Variants in PIGX observed in about 807,000 individuals in gnomAD.
PIGX encodes GPI alpha-1,4-mannosyltransferase I, stabilizing subunit.
In PIGX, 24 loss-of-function variants were observed where a neutral mutation model predicts 28.7. That is an observed-to-expected ratio of 0.84 (90% CI 0.60 to 1.17). The LOEUF is 1.17. PIGX is among the 50% of genes most tolerant of loss of function. PIGX has a pLI of 0.00. For missense variants in PIGX, 305 were observed against 317.8 expected (o/e 0.96, Z 0.31); for synonymous variants, 127 against 121.0 (o/e 1.05, Z -0.33).
rs1192857241 is a variant in PIGX at position 196,722,403 on chromosome 3, C to T, written c.177-12C>T. 1.3e-6 allele frequency: 2 copies of T among 1,592,934 alleles called. No individual in the cohort carries two copies. The highest frequency in any genetic ancestry group is 1.7e-6 in the Non-Finnish European group (2 of 1,164,816). On this transcript the variant is annotated splice_polypyrimidine_tract_variant and intron_variant, in intron 2 of 5. Transcript: ENST00000392391. The stretch of plus-strand genomic sequence containing the variant: ...AATGAAGAGATTTACTTTCAATGTA[C>T]TTGTCTTACAGAGACCTTTTAATCA...
At chr3:196,716,502 A>T (rs1252504307) in intron 1 of PIGX, among the ~76,000 whole-genome samples, 3 of 152,182 alleles carry the variant, frequency 2.0e-5, no homozygotes, top group African/African-American at 7.2e-5. Flanking sequence ...ACTTACATAG[A>T]ACACTTAATA....
chr3:196,727,686 T>A lies in PIGX; in HGVS notation c.319-237T>A, dbSNP rs182340242. Among the ~76,000 whole-genome samples the A allele has an allele frequency of 3.1e-4, 47 of 152,300 alleles. 1 individual carries two copies. In the East Asian group the frequency reaches 8.5e-3, roughly 28 times the overall value. On this transcript the variant is annotated intron_variant, in intron 3 of 5. Coordinates refer to ENST00000392391, the MANE Select transcript of PIGX (RefSeq NM_017861.4). Reference sequence around the variant, plus strand: ...GGAATAATTTTTATTATGGGGAAATTTGGTACCCTAGAATATAATTTCCCC... The same window carrying A: ...GGAATAATTTTTATTATGGGGAAATATGGTACCCTAGAATATAATTTCCCC...
At chr3:196,727,851 T>A in intron 3 of PIGX, 72 bp from the exon 4 acceptor site, 1 of 1,087,470 alleles carries the variant, frequency 9.2e-7, no homozygotes, top group Non-Finnish European at 1.4e-6. Context: ...TATATAGTCT[T>A]CTGGTTTTAA....
chr3:196,732,216 TTATATATATATATATA>T (rs1175656364), intron 5 of PIGX, among the ~76,000 whole-genome samples: 3,123 of 51,370 alleles, frequency 0.061, 253 homozygotes, highest in Non-Finnish European at 0.073. Flanking sequence ...TATATATTAT[TTATATATATATATATA>T]TATATATATA....
rs1711866569 is a variant in PIGX at position 196,712,608 on chromosome 3, C to G, written c.76C>G (p.Pro26Ala). 1 of 1,190,842 alleles carries G rather than the reference C, an allele frequency of 8.4e-7. No individual in the cohort carries two copies. Among genetic ancestry groups the G allele is most frequent in the East Asian group, 3.6e-5 (1 of 27,862 alleles). 73.8% of individuals were successfully genotyped at this position (1,190,842 alleles called of 1,614,324 possible). The stretch of plus-strand genomic sequence containing the variant: ...GGCGGCGACCGGGCTCACGCGCGGG[C>G]CCGCCGCGGCCTTCACCGCCGCGCG... Residue 26 changes from proline to alanine, a missense_variant, in exon 1 of 6, where the codon CCC becomes GCC. By Grantham distance (27) the Pro-to-Ala change is conservative. Coordinates refer to ENST00000392391, the MANE Select transcript of PIGX (RefSeq NM_017861.4).
chr3:196,730,919 T>C (rs1712725995), intron 4 of PIGX, 73 bp from the exon 5 acceptor site: 2 of 801,778 alleles, frequency 2.5e-6, no homozygotes, highest in Non-Finnish European at 4.3e-6. Context: ...TTCTGTCTAT[T>C]GAGGTTTAAT....
chr3:196,729,769 T>A (rs1712674339), intron 4 of PIGX, among the ~76,000 whole-genome samples: 1 of 151,036 alleles, frequency 6.6e-6, no homozygotes, highest in African/African-American at 2.4e-5. Flanking sequence ...AGAATGTTTA[T>A]AAAAGTTAGT....
chr3:196,732,126 TC>T (rs1351755898), intron 5 of PIGX, among the ~76,000 whole-genome samples: 4 of 146,580 alleles, frequency 2.7e-5, no homozygotes, highest in Admixed American at 2.1e-4. Context: ...ACACCTGACT[TC>T]AGTTGCCTTT....
intron 4 of PIGX, 61 bp from the exon 5 acceptor site, chr3:196,730,931 C>T: frequency 2.1e-6 from 2 of 965,428 alleles, no homozygotes; most frequent in Non-Finnish European, 3.3e-6. Context: ...AGGTTTAATA[C>T]AAGCCTAGCT....
In PIGX at chr3:196,712,662, T is replaced by C; in HGVS notation, c.112+18T>C. On this transcript the variant is annotated intron_variant, in intron 1 of 5. Transcript: ENST00000392391. ...TGACGCCGGTAAGGGGGGCGGGGCT[T>C]GGGGGGCCAGAGCGTGGGAGCGGTC... is the stretch of plus-strand genomic sequence containing the variant. The C allele has an allele frequency of 8.5e-7, 1 of 1,182,132 alleles. No homozygotes were observed. The highest frequency in any genetic ancestry group is 4.2e-5 in the South Asian group (1 of 23,698). 73.2% of individuals were successfully genotyped at this position (1,182,132 alleles called of 1,614,324 possible).
rs767396902 is a variant in PIGX, at chr3:196,731,102, T to C, written c.633+10T>C. On this transcript the variant is annotated intron_variant, in intron 5 of 5. Transcript: ENST00000392391. ...GATGAAGTATAAATCAGTAAGCTAA[T>C]GTTTTATGTTGTTTTTTAGATCATG... 98 of 1,403,828 alleles carry C rather than the reference T, an allele frequency of 7.0e-5. No homozygotes were observed. The highest frequency in any genetic ancestry group is 9.4e-5 in the Non-Finnish European group (93 of 990,840). 87.0% of individuals were successfully genotyped at this position (1,403,828 alleles called of 1,614,324 possible). A position where few individuals can be genotyped will look rare whatever the true frequency, so the allele number is the denominator to read the frequency against.
intron 4 of PIGX, among the ~76,000 whole-genome samples, chr3:196,730,604 T>G (rs1340159998): frequency 1.3e-5 from 2 of 151,724 alleles, no homozygotes; most frequent in African/African-American, 4.8e-5. Flanking sequence ...AAAAATTAGC[T>G]GGGTGCAATG....
At chr3:196,721,437 CTCTT>C (rs1712318440) in intron 2 of PIGX, 2 of 166,754 alleles carry the variant, frequency 1.2e-5, no homozygotes, top group African/African-American at 2.4e-5. Flanking sequence ...CTCTCTCTCT[CTCTT>C]TTTTTTTTCT....
Position 196,712,568 on chromosome 3 carries a change from C to T in PIGX, c.36C>T (p.Ala12=). The T allele has an allele frequency of 8.4e-7, 1 of 1,187,634 alleles. No homozygotes were observed. The highest frequency in any genetic ancestry group is 1.0e-6 in the Non-Finnish European group (1 of 959,508). 73.6% of individuals were successfully genotyped at this position (1,187,634 alleles called of 1,614,324 possible). ...GGGTGGCGGCGGTTCGGGCGGCCGC[C>T]TGGCTGCTCCTCGGGGCGGCGACCG... is the stretch of plus-strand genomic sequence containing the variant. Residue 12 remains alanine, a synonymous_variant, in exon 1 of 6, where the codon GCC becomes GCT. Coordinates refer to ENST00000392391, the MANE Select transcript of PIGX (RefSeq NM_017861.4).
rs770371560 is a variant in PIGX, at chr3:196,733,750, T to A, written c.634-9T>A. The A allele has an allele frequency of 2.5e-6, 4 of 1,583,996 alleles. No individual in the cohort carries two copies. The African/African-American group carries it at 5.4e-5, about 21-fold the overall frequency. ...TTTCAATGTCTAACTTCTCTCTCTCTCTCCATAGGTATATAAGAATGTGAT... is the reference window on the plus strand; with the variant it reads ...TTTCAATGTCTAACTTCTCTCTCTCACTCCATAGGTATATAAGAATGTGAT... On this transcript the variant is annotated splice_polypyrimidine_tract_variant and intron_variant, in intron 5 of 5. Coordinates refer to ENST00000392391, the MANE Select transcript of PIGX (RefSeq NM_017861.4). This position sits in a 1 kb window ranked among gnomAD's most constrained non-coding sequence, Gnocchi z 4.3.
At chr3:196,724,754 ATAT>A (rs1229133293) in intron 3 of PIGX, among the ~76,000 whole-genome samples, 1 of 152,212 alleles carries the variant, frequency 6.6e-6, no homozygotes, top group Non-Finnish European at 1.5e-5. Flanking sequence ...GATGCCTGAC[ATAT>A]TCCTTCTGCC....
In PIGX at chr3:196,712,445, G is replaced by A; in HGVS notation, c.-88G>A. ...TCCCAGCCGATAAATCTGGGGCAGC[G>A]CGCGGTAGGAGCTGCGGGCGGCCAG... On this transcript the variant is annotated 5_prime_UTR_variant, in exon 1 of 6. Coordinates refer to ENST00000392391, the MANE Select transcript of PIGX (RefSeq NM_017861.4). 1 of 543,906 alleles carries A rather than the reference G, an allele frequency of 1.8e-6. No individual in the cohort carries two copies. Among genetic ancestry groups the A allele is most frequent in the Non-Finnish European group, 2.5e-6 (1 of 392,262 alleles). The allele number at this position is 543,906 out of a possible 1,614,324, so 33.7% of individuals were successfully genotyped here.
chr3:196,728,029 T>C lies in PIGX; in HGVS notation c.425T>C (p.Phe142Ser). Residue 142 changes from phenylalanine to serine, a missense_variant, in exon 4 of 6, where the codon TTT becomes TCT. Physicochemically the swap from Phe to Ser is radical, Grantham distance 155. Transcript: ENST00000392391. ...CGAGATTCACAGTGCATTGACTGTT[T>C]TCAAGCCTTTTTGCCTGTGCACTGC... 1 of 1,614,156 alleles carries C rather than the reference T, an allele frequency of 6.2e-7. No individual in the cohort carries two copies. Among genetic ancestry groups the C allele is most frequent in the South Asian group, 1.1e-5 (1 of 91,082 alleles).
chr3:196,717,757 GC>G (rs974810406), intron 2 of PIGX: 5 of 152,110 alleles, frequency 3.3e-5, no homozygotes, highest in African/African-American at 1.2e-4. Context: ...ATACTTCAAA[GC>G]CATCTCAAGT....
Sources: allele counts gnomAD v4.1 joint callset (sites outside exome capture counted in the v4.1 genomes callset), GRCh38; gene constraint gnomAD v4.1.1; non-coding constraint Gnocchi (gnomAD v3.1); transcripts MANE v1.5; gene names NCBI Gene and HGNC (gene_info 2026-07-23, HGNC 2026-07-21).